TXNRD3: variants seen among roughly 807,000 people sequenced by gnomAD.
TXNRD3 encodes the protein TXNRD3 neighbor gene protein.
TXNRD3 carries 68 observed loss-of-function variants against 78.2 expected under a neutral mutation model. The observed-to-expected ratio is 0.87, with a 90% CI of 0.72 to 1.06. TXNRD3 has a LOEUF of 1.06. TXNRD3 is among the 50% of genes least tolerant of loss of function. The pLI is 0.00. For missense variants in TXNRD3, 751 were observed against 809.5 expected, an observed-to-expected ratio of 0.93 and a Z score of 0.88; for synonymous variants, 296 against 300.1, an observed-to-expected ratio of 0.99 and a Z score of 0.14.
chr3:126,615,408 A>G lies in TXNRD3; in HGVS notation c.1579T>C (p.Cys527Arg), dbSNP rs1487674449. Residue 527 changes from cysteine (C) to arginine (R), a missense_variant, in exon 13 of 16, where the codon TGT (cysteine) becomes CGT (arginine). Physicochemically the swap from Cys to Arg is radical, Grantham distance 180. Coordinates refer to ENST00000524230, the MANE Select transcript of TXNRD3 (RefSeq NM_052883.3). ...ATAGCTTTCTCTTCAGATAATCCAC[A>G]GCAACCATACTCCAGAGGAGTAAAC... 27 of 1,522,236 alleles carry G rather than the reference A, an allele frequency of 1.8e-5. No individual in the cohort carries two copies. The highest frequency in any genetic ancestry group is 2.4e-5 in the Non-Finnish European group (27 of 1,140,866). The allele number at this position is 1,522,236 out of a possible 1,614,324, so 94.3% of individuals were successfully genotyped here.
In TXNRD3 at chr3:126,607,248, G is replaced by A. The variant is rs1576276424; in HGVS notation, c.*657C>T. The A allele has an allele frequency of 1.3e-5, 2 of 152,334 alleles. No individual in the cohort carries two copies. Among genetic ancestry groups the A allele is most frequent in the Admixed American group, 1.3e-4 (2 of 15,290 alleles). The allele number at this position is 152,334 out of a possible 1,614,324, so 9.4% of individuals were successfully genotyped here. On this transcript the variant is annotated 3_prime_UTR_variant, in exon 16 of 16. Transcript: ENST00000524230. The stretch of plus-strand genomic sequence containing the variant: ...TTGCTCAGTCTCGAGATATTAATTA[G>A]GGGAGAATAGCTTCAAGGTTATCAC...
At chr3:126,632,469 C>T (rs147213721) in intron 7 of TXNRD3, among the ~76,000 whole-genome samples, 4,647 of 151,808 alleles carry the variant, frequency 0.031, 237 homozygotes, top group African/African-American at 0.11. Flanking sequence ...CCAGCCTGGC[C>T]AACATGGTGA....
At chr3:126,625,295 T>A (rs1938553398) in intron 10 of TXNRD3, 2 of 100,200 alleles carry the variant, frequency 2.0e-5, no homozygotes. Flanking sequence ...CCTAATGCTA[T>A]CCCTCCCCCC....
intron 10 of TXNRD3, among the ~76,000 whole-genome samples, chr3:126,629,175 A>G (rs983729646): frequency 1.3e-5 from 2 of 152,184 alleles, no homozygotes; most frequent in African/African-American, 4.8e-5. Flanking sequence ...ATACAGTCGC[A>G]TACACACATA....
intron 9 of TXNRD3, 32 bp from the exon 10 acceptor site, chr3:126,629,503 CT>C: frequency 6.8e-7 from 1 of 1,474,628 alleles, no homozygotes; most frequent in Non-Finnish European, 9.1e-7. Context: ...ATGATGTTAT[CT>C]AAATATGATA....
At chr3:126,626,455 C>G (rs1322170602) in intron 10 of TXNRD3, among the ~76,000 whole-genome samples, 5 of 152,070 alleles carry the variant, frequency 3.3e-5, no homozygotes, top group African/African-American at 1.2e-4. Context: ...AATAAAAATT[C>G]AAACGATCCA....
At chr3:126,642,553 T>G (rs1347656153) in intron 5 of TXNRD3, among the ~76,000 whole-genome samples, 1 of 152,246 alleles carries the variant, frequency 6.6e-6, no homozygotes, top group East Asian at 1.9e-4. Context: ...ACATTTACTC[T>G]GAGTCCTGAA....
intron 10 of TXNRD3, among the ~76,000 whole-genome samples, chr3:126,628,736 A>G (rs903531937): frequency 4.6e-5 from 7 of 152,248 alleles, no homozygotes; most frequent in Admixed American, 2.6e-4. Context: ...CAAAGAAGTC[A>G]AGTGTTTCCA....
chr3:126,631,977 C>T (rs1159585905), intron 7 of TXNRD3, 98 bp from the exon 8 acceptor site: 3 of 714,702 alleles, frequency 4.2e-6, no homozygotes, highest in African/African-American at 3.6e-5. Context: ...TCTCATTCAA[C>T]AGCAACAGCA....
intron 5 of TXNRD3, 40 bp downstream of exon 5, chr3:126,643,941 T>C: frequency 2.0e-6 from 3 of 1,500,094 alleles, no homozygotes; most frequent in African/African-American, 1.4e-5. Context: ...AAACAACATA[T>C]GTAAAGAGCA....
chr3:126,653,901 T>C (rs1353031745), intron 1 of TXNRD3, among the ~76,000 whole-genome samples: 5 of 151,936 alleles, frequency 3.3e-5, no homozygotes, highest in Non-Finnish European at 7.4e-5. Flanking sequence ...CTCTGAAACA[T>C]AACTGTTGAG....
At chr3:126,621,192 G>A (rs1286830729) in intron 12 of TXNRD3, among the ~76,000 whole-genome samples, 1 of 152,190 alleles carries the variant, frequency 6.6e-6, no homozygotes. Flanking sequence ...GAAATCCTCT[G>A]TAGAAATCAT....
In TXNRD3 at chr3:126,654,855, T is replaced by C; in HGVS notation, c.136A>G (p.Ser46Gly). 7.4e-7 allele frequency: 1 copy of C among 1,354,564 alleles called. No homozygotes were observed. The allele number at this position is 1,354,564 out of a possible 1,614,324, so 83.9% of individuals were successfully genotyped here. Residue 46 changes from serine (S) to glycine (G), a missense_variant, in exon 1 of 16, where the codon AGC becomes GGC. Transcript: ENST00000524230. ...TCCTCGCGGGCCTCGGACGAGCGGC[T>C]GGGCCCGGGGGACGACAGGCGGGCA...
chr3:126,618,408 T>TA lies in TXNRD3; in HGVS notation c.1525-2947dup, dbSNP rs368691932. Among the ~76,000 whole-genome samples, 168 of 152,016 alleles carry TA rather than the reference T, an allele frequency of 1.1e-3. 1 individual carries two copies. Among genetic ancestry groups the TA allele is most frequent in the African/African-American group, 3.7e-3 (154 of 41,448 alleles). On this transcript the variant is annotated intron_variant, in intron 12 of 15. Coordinates refer to ENST00000524230, the MANE Select transcript of TXNRD3 (RefSeq NM_052883.3). ...TGGAACAGAACAGTGAACCCAGAAATAAAACCACATATTTACAGCTAATTA... is the reference window on the plus strand; with the variant it reads ...TGGAACAGAACAGTGAACCCAGAAATAAAAACCACATATTTACAGCTAATTA...
At chr3:126,616,145 G>A (rs1938315052) in intron 12 of TXNRD3, among the ~76,000 whole-genome samples, 1 of 152,228 alleles carries the variant, frequency 6.6e-6, no homozygotes, top group African/African-American at 2.4e-5. Flanking sequence ...CCTAGGAAAG[G>A]CCCCAACTTG....
chr3:126,639,304 C>T (rs145716443), intron 6 of TXNRD3, among the ~76,000 whole-genome samples: 66 of 152,322 alleles, frequency 4.3e-4, no homozygotes, highest in African/African-American at 1.6e-3. Flanking sequence ...AAGCCAAACT[C>T]CTCCTGGCTT....
At chr3:126,636,845 C>T (rs1938874052) in intron 6 of TXNRD3, among the ~76,000 whole-genome samples, 1 of 152,102 alleles carries the variant, frequency 6.6e-6, no homozygotes. Flanking sequence ...GGCCCATGGG[C>T]TGCAGGAGGC....
intron 3 of TXNRD3, among the ~76,000 whole-genome samples, chr3:126,645,047 T>C (rs1286318923): frequency 6.6e-6 from 1 of 152,216 alleles, no homozygotes; most frequent in Admixed American, 6.5e-5. Context: ...AGTTGCTCAC[T>C]CCCATTACCT....
rs1477971618 is a variant in TXNRD3 at position 126,633,966 on chromosome 3, T to C, written c.798A>G (p.Glu266=). The C allele has an allele frequency of 2.6e-6, 4 of 1,521,648 alleles. No individual in the cohort carries two copies. The highest frequency in any genetic ancestry group is 3.5e-6 in the Non-Finnish European group (4 of 1,138,478). 94.3% of individuals were successfully genotyped at this position (1,521,648 alleles called of 1,614,324 possible). A position where few individuals can be genotyped will look rare whatever the true frequency, so the allele number is the denominator to read the frequency against. The change falls in exon 7 of 16, where the codon GAA becomes GAG. Residue 266 remains glutamate (E), a synonymous_variant. Transcript: ENST00000524230. Reference sequence around the variant, plus strand: ...AGGAATTGACATAGGCCACAGCCTTTTCCCTCAGAGACAACCTGTAGCCCC... The same window carrying C: ...AGGAATTGACATAGGCCACAGCCTTCTCCCTCAGAGACAACCTGTAGCCCC...
Sources: allele counts gnomAD v4.1 joint callset (sites outside exome capture counted in the v4.1 genomes callset), GRCh38; gene constraint gnomAD v4.1.1; transcripts MANE v1.5; gene names NCBI Gene and HGNC (gene_info 2026-07-23, HGNC 2026-07-21).